The following VPS36 variants were observed in gnomAD, a reference collection of about 807,000 sequenced individuals.
VPS36 encodes the protein vacuolar protein-sorting-associated protein 36.
Under a neutral mutation model 63.5 loss-of-function variants are expected in VPS36, and 31 were observed. The ratio of observed to expected loss-of-function variants is 0.49; its 90% CI spans 0.37 to 0.66. VPS36 has a LOEUF of 0.66. VPS36 is among the 30% of genes least tolerant of loss of function. The pLI is 0.00. For missense variants in VPS36, 338 were observed against 463.7 expected, an observed-to-expected ratio of 0.73 and a Z score of 2.49; for synonymous variants, 138 against 157.2, an observed-to-expected ratio of 0.88 and a Z score of 0.91.
chr13:52,432,855 TAGTG>T (rs1566086883), intron 6 of VPS36, among the ~76,000 whole-genome samples: 1 of 152,228 alleles, frequency 6.6e-6, no homozygotes, highest in Non-Finnish European at 1.5e-5. Context: ...TATTTTCAAT[TAGTG>T]AGCCCAAAAT....
At chr13:52,419,982 T>C (rs1958030330) in intron 10 of VPS36, among the ~76,000 whole-genome samples, 2 of 152,154 alleles carry the variant, frequency 1.3e-5, no homozygotes, top group South Asian at 4.1e-4. Flanking sequence ...GGCCCATGCC[T>C]GTAATCCCAG....
intron 10 of VPS36, among the ~76,000 whole-genome samples, chr13:52,419,288 T>C (rs932089828): frequency 6.6e-6 from 1 of 152,248 alleles, no homozygotes; most frequent in Non-Finnish European, 1.5e-5. Flanking sequence ...CCACTGCTGA[T>C]ACCCAGCCAA....
rs1348160904 is a variant in VPS36 at position 52,414,835 on chromosome 13, C to T, written c.*995G>A. On this transcript the variant is annotated 3_prime_UTR_variant, in exon 14 of 14. Transcript: ENST00000378060. Reference sequence around the variant, plus strand: ...TCAGGCAGTCACTTTAAAACCTAAGCAATCTACATGCAGTATTAGCCAGTT... The same window carrying T: ...TCAGGCAGTCACTTTAAAACCTAAGTAATCTACATGCAGTATTAGCCAGTT... 1 of 152,162 alleles carries T rather than the reference C, an allele frequency of 6.6e-6. No individual in the cohort carries two copies. The highest frequency in any genetic ancestry group is 1.5e-5 in the Non-Finnish European group (1 of 68,024). 9.4% of individuals were successfully genotyped at this position (152,162 alleles called of 1,614,324 possible).
chr13:52,418,088 A>T, intron 10 of VPS36, 32 bp from the exon 11 acceptor site: 1 of 1,562,404 alleles, frequency 6.4e-7, no homozygotes, highest in Non-Finnish European at 8.8e-7. Context: ...GTAATGCTAT[A>T]CAATGGTAAT....
chr13:52,449,642 T>C (rs1958379007), intron 1 of VPS36, among the ~76,000 whole-genome samples: 1 of 152,220 alleles, frequency 6.6e-6, no homozygotes, highest in Non-Finnish European at 1.5e-5. Context: ...AAAATGCTTG[T>C]GGGTAAATGA....
chr13:52,424,256 A>G lies in VPS36; in HGVS notation c.775-617T>C, dbSNP rs920897799. 2.6e-5 allele frequency among the ~76,000 whole-genome samples: 4 copies of G among 152,364 alleles called. No individual in the cohort carries two copies. In the South Asian group the frequency reaches 8.3e-4, roughly 32 times the overall value. ...TGTTTTAACTTATTACAGCTAATAAATGAAGAAAGTATAGAATTAAATAAG... is the reference window on the plus strand; with the variant it reads ...TGTTTTAACTTATTACAGCTAATAAGTGAAGAAAGTATAGAATTAAATAAG... On this transcript the variant is annotated intron_variant, in intron 9 of 13. Transcript: ENST00000378060.
chr13:52,419,593 C>A (rs1958025654), intron 10 of VPS36, among the ~76,000 whole-genome samples: 1 of 152,064 alleles, frequency 6.6e-6, no homozygotes, highest in East Asian at 1.9e-4. Flanking sequence ...GGCGATTTCT[C>A]AAAAAACTGT....
chr13:52,413,906 AT>A lies in VPS36; in HGVS notation c.*1923del, dbSNP rs1474098601. The stretch of plus-strand genomic sequence containing the variant: ...TTTAAAAATAAAATCAATCATACTC[AT>A]TTTTAAATTAATGTGACATTTGCAA... On this transcript the variant is annotated 3_prime_UTR_variant, in exon 14 of 14. Transcript: ENST00000378060. 6.6e-6 allele frequency: 1 copy of A among 152,288 alleles called. No homozygotes were observed. Among genetic ancestry groups the A allele is most frequent in the Non-Finnish European group, 1.5e-5 (1 of 68,040 alleles). 9.4% of individuals were successfully genotyped at this position (152,288 alleles called of 1,614,324 possible). A position where few individuals can be genotyped will look rare whatever the true frequency, so the allele number is the denominator to read the frequency against.
chr13:52,419,795 C>A (rs1377892637), intron 10 of VPS36, among the ~76,000 whole-genome samples: 1 of 152,100 alleles, frequency 6.6e-6, no homozygotes, highest in Non-Finnish European at 1.5e-5. Flanking sequence ...CACAGAAAGA[C>A]AAATATCACA....
chr13:52,433,178 C>T (rs1404806729), intron 6 of VPS36, among the ~76,000 whole-genome samples: 3 of 152,142 alleles, frequency 2.0e-5, no homozygotes, highest in African/African-American at 7.2e-5. Context: ...CTGGAATGTA[C>T]ATGCTCAGGG....
Position 52,417,090 on chromosome 13 carries a change from C to T in VPS36, c.957G>A (p.Lys319=). Reference sequence around the variant, plus strand: ...GGGCCGAGGCCACCATTTCCTCTTCCTTGTGAGACTGAAGCTCAATTACCA... The same window carrying T: ...GGGCCGAGGCCACCATTTCCTCTTCTTTGTGAGACTGAAGCTCAATTACCA... ...GVMVIELQSH[K]EEEMVASALE... is the part of the protein sequence containing the mutation. The change falls in exon 12 of 14, where the codon AAG becomes AAA. Residue 319 remains lysine, a synonymous_variant. Coordinates refer to ENST00000378060, the MANE Select transcript of VPS36 (RefSeq NM_016075.4). 1 of 1,614,070 alleles carries T rather than the reference C, an allele frequency of 6.2e-7. No individual in the cohort carries two copies. The highest frequency in any genetic ancestry group is 1.1e-5 in the South Asian group (1 of 91,058).
At chr13:52,418,768 T>C (rs1275519902) in intron 10 of VPS36, among the ~76,000 whole-genome samples, 4 of 152,194 alleles carry the variant, frequency 2.6e-5, no homozygotes, top group Non-Finnish European at 5.9e-5. Flanking sequence ...ACTTGCAGCA[T>C]ATCTTGATTT....
intron 6 of VPS36, among the ~76,000 whole-genome samples, chr13:52,431,353 A>T (rs2137790712): frequency 6.6e-6 from 1 of 152,358 alleles, no homozygotes; most frequent in East Asian, 1.9e-4. Flanking sequence ...CTTTATATTA[A>T]CAACAACAAA....
intron 10 of VPS36, among the ~76,000 whole-genome samples, chr13:52,422,119 C>T (rs182424372): frequency 6.6e-6 from 1 of 152,264 alleles, no homozygotes; most frequent in Admixed American, 6.5e-5. Context: ...CCCGCTCCCA[C>T]TTATACACCT....
At chr13:52,446,520 T>A (rs1329043596) in intron 1 of VPS36, among the ~76,000 whole-genome samples, 8 of 152,212 alleles carry the variant, frequency 5.3e-5, no homozygotes. Context: ...AAGTTTAGGC[T>A]GGTTTGCTTA....
rs1016456986 is a variant in VPS36, at chr13:52,441,762, G to C, written c.165+615C>G. ...GCGAGACTCCATCTCAAAAAAAAGG[G>C]GGGGATGCGTGGGGGACTCCTCTTG... On this transcript the variant is annotated intron_variant, in intron 2 of 13. Coordinates refer to ENST00000378060, the MANE Select transcript of VPS36 (RefSeq NM_016075.4). Among the ~76,000 whole-genome samples, 23 of 151,766 alleles carry C rather than the reference G, an allele frequency of 1.5e-4. No individual in the cohort carries two copies. In the Middle Eastern group the frequency reaches 0.01, roughly 68 times the overall value.
chr13:52,437,485 T>C (rs1958230810), intron 3 of VPS36, among the ~76,000 whole-genome samples: 1 of 152,076 alleles, frequency 6.6e-6, no homozygotes, highest in Non-Finnish European at 1.5e-5. Flanking sequence ...AGCCCTACTA[T>C]CAGATTGTGT....
intron 10 of VPS36, among the ~76,000 whole-genome samples, chr13:52,420,778 C>T (rs529949892): frequency 6.6e-6 from 1 of 152,202 alleles, no homozygotes; most frequent in South Asian, 2.1e-4. Context: ...TCACATGTAC[C>T]CCATAAATAC....
chr13:52,450,605 A>G lies in VPS36; in HGVS notation c.-11T>C, dbSNP rs1386941231. On this transcript the variant is annotated 5_prime_UTR_variant, in exon 1 of 14. Coordinates refer to ENST00000378060, the MANE Select transcript of VPS36 (RefSeq NM_016075.4). ...AACGAAGCGGTCCATGGCCGCTGCCACCCAGCCCCGGCCCTCCGAGGCCGC... is the reference window on the plus strand; with the variant it reads ...AACGAAGCGGTCCATGGCCGCTGCCGCCCAGCCCCGGCCCTCCGAGGCCGC... The G allele has an allele frequency of 1.3e-6, 2 of 1,562,456 alleles. No individual in the cohort carries two copies. The highest frequency in any genetic ancestry group is 2.8e-5 in the African/African-American group (2 of 70,636).
Sources: gnomAD v4.1 joint callset for allele counts (sites outside exome capture counted in the v4.1 genomes callset) on GRCh38, gnomAD v4.1.1 for gene constraint, MANE v1.5 for transcripts, NCBI Gene and HGNC (gene_info 2026-07-23, HGNC 2026-07-21) for gene names.